ADGRB2: variants seen among roughly 807,000 people sequenced by gnomAD.
ADGRB2 encodes brain-specific angiogenesis inhibitor 2.
In ADGRB2, 47 loss-of-function variants were observed where a neutral mutation model predicts 178.7. The observed-to-expected ratio is 0.26, with a 90% CI of 0.21 to 0.34. The LOEUF (loss-of-function observed/expected upper bound fraction) is 0.34. ADGRB2 is among the 10% of genes least tolerant of loss of function. The probability of loss-of-function intolerance (pLI) is 1.00; values close to 1 mark genes in which losing one functional copy is unlikely to be tolerated. For synonymous variants in ADGRB2, 870 were observed against 912.4 expected (o/e 0.95, Z 0.84); for missense variants, 1,584 against 2,180.8 (o/e 0.73, Z 5.45).
In ADGRB2 at chr1:31,741,939, A is replaced by G; in HGVS notation, c.1446T>C (p.Asn482=). The G allele has an allele frequency of 6.3e-7, 1 of 1,599,534 alleles. No individual in the cohort carries two copies. Among genetic ancestry groups the G allele is most frequent in the South Asian group, 1.1e-5 (1 of 89,764 alleles). Residue 482 remains asparagine (N), a synonymous_variant, in exon 9 of 33, where the codon AAT becomes AAC. Transcript: ENST00000373658. The surrounding 1 kb of genome is among the most constrained non-coding windows in gnomAD (Gnocchi z 6.5). ...ACGTCTTAGAGCACAGGCTCCACGC[A>G]TTCCATGGCCCCCACTTGCTATCAG... ...PATDSKWGPW[N]AWSLCSKTCD... is the part of the protein sequence containing the mutation.
In ADGRB2 at chr1:31,758,009, C is replaced by T. The variant is rs1646921188; in HGVS notation, c.-190-498G>A. On this transcript the variant is annotated intron_variant, in intron 1 of 32. Coordinates refer to ENST00000373658, the MANE Select transcript of ADGRB2 (RefSeq NM_001364857.2). The surrounding 1 kb of genome is among the most constrained non-coding windows in gnomAD (Gnocchi z 4.2). ...GAGGATGGGGGGAGCTGCAGGTGCC[C>T]TCCCACCCACCAGGCCAGGGCTGTG... is the stretch of plus-strand genomic sequence containing the variant. Among the ~76,000 whole-genome samples the T allele has an allele frequency of 6.6e-6, 1 of 152,144 alleles. No homozygotes were observed. Among genetic ancestry groups the T allele is most frequent in the Non-Finnish European group, 1.5e-5 (1 of 68,014 alleles).
In ADGRB2 at chr1:31,764,064, GCGGGGCGGGCGGGCGGGCGGCGC is replaced by G; in HGVS notation, c.-394_-372del. 2.1e-6 allele frequency: 2 copies of G among 968,084 alleles called. No individual in the cohort carries two copies. Among genetic ancestry groups the G allele is most frequent in the South Asian group, 4.7e-5 (1 of 21,058 alleles). 60.0% of individuals were successfully genotyped at this position (968,084 alleles called of 1,614,324 possible). ...TGCAGAAAAGGCGCCGCGGAGCAGCGCGGGGCGGGCGGGCGGGCGGCGCCGGGCCGGGCGCGGGCTCCTGCCGC... is the reference window on the plus strand; with the variant it reads ...TGCAGAAAAGGCGCCGCGGAGCAGCGCGGGCCGGGCGCGGGCTCCTGCCGC... On this transcript the variant is annotated 5_prime_UTR_variant, in exon 1 of 33. Coordinates refer to ENST00000373658, the MANE Select transcript of ADGRB2 (RefSeq NM_001364857.2). The surrounding 1 kb of genome is among the most constrained non-coding windows in gnomAD (Gnocchi z 7.3).
At position 31,758,143 on chromosome 1, in the gene ADGRB2, G is replaced by A. The variant is rs919006315; in HGVS notation, c.-190-632C>T. 2.6e-5 allele frequency among the ~76,000 whole-genome samples: 4 copies of A among 152,184 alleles called. No homozygotes were observed. The highest frequency in any genetic ancestry group is 6.5e-5 in the Admixed American group (1 of 15,282). ...ATCCTACCCCCCAAGTAATCCAAGC[G>A]GCCTCCCTCCTGCATGCCACAGGAT... On this transcript the variant is annotated intron_variant, in intron 1 of 32. Transcript: ENST00000373658. The surrounding 1 kb of genome is among the most constrained non-coding windows in gnomAD (Gnocchi z 4.2).
chr1:31,732,896 G>A (rs957030471), intron 26 of ADGRB2, 76 bp downstream of exon 26: 137 of 1,494,862 alleles, frequency 9.2e-5, no homozygotes, highest in Non-Finnish European at 1.1e-4. Context: ...CGATCCTCCC[G>A]GTCTGCACAG....
At position 31,727,379 on chromosome 1, in the gene ADGRB2, G is replaced by A; in HGVS notation, c.*41C>T. On this transcript the variant is annotated 3_prime_UTR_variant, in exon 33 of 33. Transcript: ENST00000373658. The surrounding 1 kb of genome is among the most constrained non-coding windows in gnomAD (Gnocchi z 4.4). ...CCAAAGTGGAGTGTGAAAATAGAGAGATATATATATTTATATGCAGTGGGC... is the reference window on the plus strand; with the variant it reads ...CCAAAGTGGAGTGTGAAAATAGAGAAATATATATATTTATATGCAGTGGGC... 6.5e-7 allele frequency: 1 copy of A among 1,549,548 alleles called. No individual in the cohort carries two copies. The highest frequency in any genetic ancestry group is 8.6e-7 in the Non-Finnish European group (1 of 1,156,096).
chr1:31,749,451 C>T (rs1299803193), intron 4 of ADGRB2, among the ~76,000 whole-genome samples: 2 of 152,234 alleles, frequency 1.3e-5, no homozygotes, highest in African/African-American at 4.8e-5. Flanking sequence ...GGGTTTGATT[C>T]CCAGCTCTGC....
At position 31,728,303 on chromosome 1, in the gene ADGRB2, G is replaced by A. The variant is rs1645097466; in HGVS notation, c.4417-23C>T. 6.2e-7 allele frequency: 1 copy of A among 1,610,062 alleles called. No homozygotes were observed. Among genetic ancestry groups the A allele is most frequent in the African/African-American group, 1.3e-5 (1 of 74,992 alleles). Reference sequence around the variant, plus strand: ...CTTCTAGGGGCCACAGGGCATCAGAGGGTCGCTCCCCGGGGCAGCACCATG... The same window carrying A: ...CTTCTAGGGGCCACAGGGCATCAGAAGGTCGCTCCCCGGGGCAGCACCATG... On this transcript the variant is annotated intron_variant, in intron 30 of 32. Transcript: ENST00000373658. This position sits in a 1 kb window ranked among gnomAD's most constrained non-coding sequence, Gnocchi z 6.7.
In ADGRB2 at chr1:31,759,748, C is replaced by G. The variant is rs1162171818; in HGVS notation, c.-190-2237G>C. ...GACAGCCACTGGTTCATTGAAGACC[C>G]TCCTGCCTGTGTATAGCCAGGCCTG... is the stretch of plus-strand genomic sequence containing the variant. On this transcript the variant is annotated intron_variant, in intron 1 of 32. Transcript: ENST00000373658. This position sits in a 1 kb window ranked among gnomAD's most constrained non-coding sequence, Gnocchi z 4.3. Among the ~76,000 whole-genome samples the G allele has an allele frequency of 6.6e-6, 1 of 152,204 alleles. No individual in the cohort carries two copies. Among genetic ancestry groups the G allele is most frequent in the African/African-American group, 2.4e-5 (1 of 41,442 alleles).
rs1645388995 is a variant in ADGRB2 at position 31,733,244 on chromosome 1, C to G, written c.3453-101G>C. 6 of 1,341,406 alleles carry G rather than the reference C, an allele frequency of 4.5e-6. No homozygotes were observed. In the East Asian group the frequency reaches 1.5e-4, roughly 34 times the overall value. 83.1% of individuals were successfully genotyped at this position (1,341,406 alleles called of 1,614,324 possible). A position where few individuals can be genotyped will look rare whatever the true frequency, so the allele number is the denominator to read the frequency against. ...GCTGGAGCTCTTCAGCTGCCCAAGA[C>G]TGGGAGGGCCCCAAACCCCAGGGCC... On this transcript the variant is annotated intron_variant, in intron 25 of 32. Coordinates refer to ENST00000373658, the MANE Select transcript of ADGRB2 (RefSeq NM_001364857.2). The surrounding 1 kb of genome is among the most constrained non-coding windows in gnomAD (Gnocchi z 4.3).
At position 31,756,146 on chromosome 1, in the gene ADGRB2, C is replaced by T. The variant is rs762880054; in HGVS notation, c.691G>A (p.Ala231Thr). 6.2e-7 allele frequency: 1 copy of T among 1,613,432 alleles called. No homozygotes were observed. The highest frequency in any genetic ancestry group is 8.5e-7 in the Non-Finnish European group (1 of 1,179,862). Residue 231 changes from alanine to threonine, a missense_variant, in exon 4 of 33, where the codon GCC becomes ACC. Ala to Thr is a moderately conservative substitution (Grantham distance 58). Around this residue, in one of 3 missense-constraint regions of ADGRB2, gnomAD observed 657 missense variants for 847.6 expected, o/e 0.78. Transcript: ENST00000373658. The surrounding 1 kb of genome is among the most constrained non-coding windows in gnomAD (Gnocchi z 8.5). Reference protein sequence around the residue: ...PGCSCPGEAGAGSTTTTSPGP... With the variant: ...PGCSCPGEAGTGSTTTTSPGP... Reference sequence around the variant, plus strand: ...GGAGATGTGGTGGTGGTGGAGCCGGCCCCCGCCTCTCCAGGGCAGCTGCAG... The same window carrying T: ...GGAGATGTGGTGGTGGTGGAGCCGGTCCCCGCCTCTCCAGGGCAGCTGCAG...
At chr1:31,732,656 C>G (rs755374358) in intron 26 of ADGRB2, 44 bp from the exon 27 acceptor site, 1 of 1,592,692 alleles carries the variant, frequency 6.3e-7, no homozygotes, top group African/African-American at 1.3e-5. Flanking sequence ...CACTGCAGGG[C>G]CCCCGACCAC....
intron 4 of ADGRB2, among the ~76,000 whole-genome samples, chr1:31,747,455 A>G (rs1008587456): frequency 1.3e-5 from 2 of 151,708 alleles, no homozygotes; most frequent in East Asian, 1.9e-4. Flanking sequence ...TCAAATCTCT[A>G]CTTGCTTGTT....
chr1:31,738,675 C>A (rs765615339), intron 16 of ADGRB2, 45 bp from the exon 17 acceptor site: 1 of 1,608,042 alleles, frequency 6.2e-7, no homozygotes, highest in Non-Finnish European at 8.5e-7. Context: ...GGGAAGCTCA[C>A]CACACCCCAC....
chr1:31,756,186 G>A lies in ADGRB2; in HGVS notation c.651C>T (p.Gly217=). ...ECGRAAGRAC[G]FAQPGCSCPG... is the part of the protein sequence containing the mutation. ...GGCAGCTGCAGCCTGGCTGAGCAAA[G>A]CCGCAGGCCCTGCCGGCAGCGCGGC... The change falls in exon 4 of 33, where the codon GGC becomes GGT. Residue 217 remains glycine, a synonymous_variant. Transcript: ENST00000373658. This position sits in a 1 kb window ranked among gnomAD's most constrained non-coding sequence, Gnocchi z 8.5. 6.2e-7 allele frequency: 1 copy of A among 1,613,040 alleles called. No individual in the cohort carries two copies. The highest frequency in any genetic ancestry group is 8.5e-7 in the Non-Finnish European group (1 of 1,179,866).
chr1:31,727,852 C>A lies in ADGRB2; in HGVS notation c.4572+173G>T. 2 of 967,394 alleles carry A rather than the reference C, an allele frequency of 2.1e-6. No individual in the cohort carries two copies. 59.9% of individuals were successfully genotyped at this position (967,394 alleles called of 1,614,324 possible). On this transcript the variant is annotated intron_variant, in intron 32 of 32. Coordinates refer to ENST00000373658, the MANE Select transcript of ADGRB2 (RefSeq NM_001364857.2). This position sits in a 1 kb window ranked among gnomAD's most constrained non-coding sequence, Gnocchi z 4.4. Reference sequence around the variant, plus strand: ...CTCCCAATCCTGGAGGACCTCCACCCCTGTTCGCCATCTGCAGCACCTTCC... The same window carrying A: ...CTCCCAATCCTGGAGGACCTCCACCACTGTTCGCCATCTGCAGCACCTTCC...
chr1:31,738,554 C>A (rs373116841), intron 17 of ADGRB2, 33 bp downstream of exon 17: 37 of 1,593,206 alleles, frequency 2.3e-5, no homozygotes, highest in Non-Finnish European at 3.1e-5. Flanking sequence ...TAGGGCTGCT[C>A]CCTTCCTCAC....
Position 31,741,788 on chromosome 1 carries a change from T to C in ADGRB2, c.1585+12A>G, listed in dbSNP as rs986868690. 4 of 1,595,844 alleles carry C rather than the reference T, an allele frequency of 2.5e-6. No individual in the cohort carries two copies. The highest frequency in any genetic ancestry group is 3.4e-5 in the Admixed American group (2 of 59,162). On this transcript the variant is annotated intron_variant, in intron 9 of 32. Transcript: ENST00000373658. The surrounding 1 kb of genome is among the most constrained non-coding windows in gnomAD (Gnocchi z 6.5). Reference sequence around the variant, plus strand: ...ATGGGGCCCCCAGCCCCCAGGGTCATTAGGGCAGTACCTGGACACCTCTTC... The same window carrying C: ...ATGGGGCCCCCAGCCCCCAGGGTCACTAGGGCAGTACCTGGACACCTCTTC...
At chr1:31,736,765 G>T in intron 20 of ADGRB2, 42 bp from the exon 21 acceptor site, 1 of 1,593,322 alleles carries the variant, frequency 6.3e-7, no homozygotes, top group Non-Finnish European at 8.6e-7. Context: ...CTGAGCAGCC[G>T]CCAGGGCAGG....
At chr1:31,731,518 A>G in intron 28 of ADGRB2, 99 bp from the exon 29 acceptor site, 1 of 1,423,676 alleles carries the variant, frequency 7.0e-7, no homozygotes, top group South Asian at 1.4e-5. Context: ...CTGCGCTTGG[A>G]CAGGAAAGGA....
Sources: allele counts gnomAD v4.1 joint callset (sites outside exome capture counted in the v4.1 genomes callset), GRCh38; gene constraint gnomAD v4.1.1; regional missense constraint gnomAD v4.1.1; non-coding constraint Gnocchi (gnomAD v3.1); transcripts MANE v1.5; gene names NCBI Gene and HGNC (gene_info 2026-07-23, HGNC 2026-07-21).